The following CSMD1 variants were observed in gnomAD, a reference collection of about 807,000 sequenced individuals.
The protein encoded by CSMD1 is CUB and sushi domain-containing protein 1.
In CSMD1, 213 loss-of-function variants were observed where a neutral mutation model predicts 417.5. The observed-to-expected ratio is 0.51, with a 90% CI of 0.46 to 0.57. The LOEUF is 0.57. Ranked by LOEUF, CSMD1 falls within the 20% of genes least tolerant of loss-of-function variation. The pLI, the probability that CSMD1 is intolerant of heterozygous loss-of-function variation, is 0.00. For missense variants in CSMD1, 6,923 were observed against 4,529.7 expected, an observed-to-expected ratio of 1.53 and a Z score of -15.17; for synonymous variants, 2,862 against 1,736.8, an observed-to-expected ratio of 1.65 and a Z score of -16.11.
chr8:3,601,299 G>T (rs1173602790), intron 8 of CSMD1, among the ~76,000 whole-genome samples: 3 of 152,196 alleles, frequency 2.0e-5, no homozygotes, highest in Non-Finnish European at 4.4e-5. Flanking sequence ...CAAATCAGCT[G>T]TCCTTATTCT....
chr8:3,239,149 C>G (rs1448285641), intron 26 of CSMD1, among the ~76,000 whole-genome samples: 1 of 152,104 alleles, frequency 6.6e-6, no homozygotes, highest in Non-Finnish European at 1.5e-5. Context: ...TAAGTGGTGG[C>G]TGAGCTTGGT....
In CSMD1 at chr8:3,420,371, A is replaced by T. The variant is rs750317210; in HGVS notation, c.1562-10766T>A. On this transcript the variant is annotated intron_variant, in intron 12 of 69. Coordinates refer to ENST00000635120, the MANE Select transcript of CSMD1 (RefSeq NM_033225.6). ...TCAGAGGGACCAGATGAGGCAAGAC[A>T]ATTAACTCAGGGTGGATCTGGGTGG... Among the ~76,000 whole-genome samples the T allele has an allele frequency of 3.7e-4, 56 of 151,716 alleles. 1 individual carries two copies. Among genetic ancestry groups the T allele is most frequent in the East Asian group, 2.0e-4 (1 of 5,120 alleles).
chr8:3,708,379 G>A (rs372144175), intron 7 of CSMD1, 35 bp downstream of exon 7: 49 of 1,564,080 alleles, frequency 3.1e-5, no homozygotes, highest in Non-Finnish European at 3.7e-5. Context: ...TTACAAGGGC[G>A]TATCAATCCT....
At chr8:3,581,125 C>A (rs1800365074) in intron 9 of CSMD1, among the ~76,000 whole-genome samples, 1 of 152,130 alleles carries the variant, frequency 6.6e-6, no homozygotes, top group Admixed American at 6.6e-5. Context: ...TAAAGAAGTT[C>A]TCTACATAAA....
Position 3,449,660 on chromosome 8 carries a change from G to A in CSMD1, c.1561+19052C>T, listed in dbSNP as rs531866835. ...AGCCTCCCAAGTAGCTGAGATTACA[G>A]GTGACTGCAACCATGCCTGGCTAAT... On this transcript the variant is annotated intron_variant, in intron 12 of 69. Coordinates refer to ENST00000635120, the MANE Select transcript of CSMD1 (RefSeq NM_033225.6). Among the ~76,000 whole-genome samples, 4 of 152,170 alleles carry A rather than the reference G, an allele frequency of 2.6e-5. No homozygotes were observed. The East Asian group carries it at 5.8e-4, about 22-fold the overall frequency.
At chr8:3,464,663 A>C (rs1816699560) in intron 12 of CSMD1, among the ~76,000 whole-genome samples, 1 of 151,014 alleles carries the variant, frequency 6.6e-6, no homozygotes, top group Non-Finnish European at 1.5e-5. Flanking sequence ...TTTATATATA[A>C]ATTGTATATG....
intron 3 of CSMD1, among the ~76,000 whole-genome samples, chr8:4,385,443 T>C (rs557133121): frequency 3.6e-4 from 55 of 152,358 alleles, no homozygotes; most frequent in African/African-American, 1.3e-3. Context: ...AGTACATGTT[T>C]CTTTTCTTAG....
chr8:3,621,367 G>C (rs1412332500), intron 7 of CSMD1, among the ~76,000 whole-genome samples: 1 of 152,114 alleles, frequency 6.6e-6, no homozygotes, highest in African/African-American at 2.4e-5. Context: ...ACACAAAGAG[G>C]TTAAAAACGA....
At chr8:3,972,752 T>C (rs779834228) in intron 5 of CSMD1, among the ~76,000 whole-genome samples, 1 of 152,346 alleles carries the variant, frequency 6.6e-6, no homozygotes, top group Non-Finnish European at 1.5e-5. Context: ...GCTAAAAGCA[T>C]TAAAAATGTA....
intron 11 of CSMD1, among the ~76,000 whole-genome samples, chr8:3,485,955 T>C (rs1818009272): frequency 6.6e-6 from 1 of 152,154 alleles, no homozygotes. Flanking sequence ...TAAAGATCCC[T>C]TCGTATTAAC....
chr8:4,719,632 C>T (rs1433869235), intron 1 of CSMD1, among the ~76,000 whole-genome samples: 3 of 149,760 alleles, frequency 2.0e-5, no homozygotes, highest in African/African-American at 7.4e-5. Context: ...GAATCCTTTT[C>T]CTATTTTGTT....
chr8:4,637,110 C>A (rs550895380), intron 2 of CSMD1, among the ~76,000 whole-genome samples: 9 of 152,148 alleles, frequency 5.9e-5, no homozygotes, highest in African/African-American at 1.9e-4. Context: ...AAACTTTATT[C>A]GCTCTTAGCA....
chr8:4,638,507 G>A (rs1802983712), intron 1 of CSMD1, among the ~76,000 whole-genome samples: 1 of 152,210 alleles, frequency 6.6e-6, no homozygotes, highest in Non-Finnish European at 1.5e-5. Context: ...AACGAGGACT[G>A]TAACAACATC....
At chr8:2,948,371 T>C (rs554128472) in intron 68 of CSMD1, among the ~76,000 whole-genome samples, 78 of 152,076 alleles carry the variant, frequency 5.1e-4, no homozygotes, top group African/African-American at 1.8e-3. Context: ...CGAGGTAGCA[T>C]TCAGATCTGA....
intron 1 of CSMD1, among the ~76,000 whole-genome samples, chr8:4,642,497 T>C (rs1274860030): frequency 6.6e-6 from 1 of 152,178 alleles, no homozygotes; most frequent in Admixed American, 6.5e-5. Context: ...GATTCATCTG[T>C]GATCCAAACT....
intron 2 of CSMD1, among the ~76,000 whole-genome samples, chr8:4,576,908 A>C (rs890976213): frequency 6.6e-6 from 1 of 152,212 alleles, no homozygotes; most frequent in Non-Finnish European, 1.5e-5. Flanking sequence ...CCAGGAATTA[A>C]TAGAATGATT....
chr8:3,718,073 T>C (rs1309864600), intron 6 of CSMD1, among the ~76,000 whole-genome samples: 2 of 152,214 alleles, frequency 1.3e-5, no homozygotes, highest in Non-Finnish European at 2.9e-5. Context: ...AATTTGGTGG[T>C]TGAAAAATGC....
At chr8:4,117,395 G>A (rs1022811893) in intron 3 of CSMD1, among the ~76,000 whole-genome samples, 1 of 151,242 alleles carries the variant, frequency 6.6e-6, no homozygotes, top group African/African-American at 2.4e-5. Context: ...GAGCTCCCAA[G>A]CTGAACCTCT....
chr8:3,422,554 A>G (rs1813560957), intron 12 of CSMD1, among the ~76,000 whole-genome samples: 1 of 152,222 alleles, frequency 6.6e-6, no homozygotes, highest in Non-Finnish European at 1.5e-5. Context: ...CAGAAGACAG[A>G]AGACAAAACA....
Sources: allele counts gnomAD v4.1 joint callset (sites outside exome capture counted in the v4.1 genomes callset), GRCh38; gene constraint gnomAD v4.1.1; transcripts MANE v1.5; gene names NCBI Gene and HGNC (gene_info 2026-07-23, HGNC 2026-07-21).